SUCLG2: variants seen among roughly 807,000 people sequenced by gnomAD.
The protein encoded by SUCLG2 is succinate--CoA ligase [GDP-forming] subunit beta, mitochondrial.
Under a neutral mutation model 47.9 loss-of-function variants are expected in SUCLG2, and 42 were observed. That is an observed-to-expected ratio of 0.88 (90% CI 0.69 to 1.14). SUCLG2 has a LOEUF of 1.14. SUCLG2 is among the 50% of genes most tolerant of loss of function. The pLI is 0.00. For missense variants in SUCLG2, 571 were observed against 525.9 expected (o/e 1.09, Z -0.84); for synonymous variants, 195 against 197.3 (o/e 0.99, Z 0.10).
At chr3:67,594,514 A>C (rs1414944422) in intron 2 of SUCLG2, among the ~76,000 whole-genome samples, 2 of 152,194 alleles carry the variant, frequency 1.3e-5, no homozygotes, top group Non-Finnish European at 2.9e-5. Flanking sequence ...GGTCAGCTTA[A>C]AAATCACCTC....
chr3:67,625,622 C>A (rs1700812167), intron 1 of SUCLG2, among the ~76,000 whole-genome samples: 1 of 152,178 alleles, frequency 6.6e-6, no homozygotes, highest in Non-Finnish European at 1.5e-5. Flanking sequence ...GAAGCTCCTG[C>A]TGCCTCTGAA....
chr3:67,626,980 A>G lies in SUCLG2; in HGVS notation c.85-17384T>C, dbSNP rs183570500. ...ACGTGAGAGGACAGTATATGTATCA[A>G]AAAATTTTCAACTAGAAGTTTGAAA... On this transcript the variant is annotated intron_variant, in intron 1 of 10. Coordinates refer to ENST00000307227, the MANE Select transcript of SUCLG2 (RefSeq NM_003848.4). Among the ~76,000 whole-genome samples the G allele has an allele frequency of 3.0e-3, 462 of 152,114 alleles. 1 individual carries two copies. Among genetic ancestry groups the G allele is most frequent in the Admixed American group, 6.9e-3 (106 of 15,254 alleles).
In SUCLG2 at chr3:67,498,256, GC is replaced by G. The variant is rs1197004917; in HGVS notation, c.796del (p.Ala266GlnfsTer29). 2 of 1,613,616 alleles carry G rather than the reference GC, an allele frequency of 1.2e-6. No individual in the cohort carries two copies. The highest frequency in any genetic ancestry group is 2.7e-5 in the African/African-American group (2 of 74,862). ...FDAKINFDDN[A>X]EFRQKDIFAM... ...AAATATGTCTTTTTGTCGGAATTCTGCGTTGTCATCAAAGTTTATCTTGGCA... is the reference window on the plus strand; with the variant it reads ...AAATATGTCTTTTTGTCGGAATTCTGGTTGTCATCAAAGTTTATCTTGGCA... On this transcript the variant is annotated frameshift_variant, in exon 8 of 11. Transcript: ENST00000307227. LOFTEE classifies it high-confidence loss of function.
At chr3:67,570,331 T>C (rs769774447) in intron 2 of SUCLG2, among the ~76,000 whole-genome samples, 3 of 152,234 alleles carry the variant, frequency 2.0e-5, no homozygotes, top group Non-Finnish European at 4.4e-5. Flanking sequence ...TGTGGCAACG[T>C]ACCACACTAC....
At chr3:67,604,079 C>T (rs1478383456) in intron 2 of SUCLG2, among the ~76,000 whole-genome samples, 1 of 152,214 alleles carries the variant, frequency 6.6e-6, no homozygotes, top group Non-Finnish European at 1.5e-5. Flanking sequence ...TTTGCTCTCT[C>T]AGACATAAAT....
chr3:67,442,607 C>A (rs1703796966), intron 9 of SUCLG2, among the ~76,000 whole-genome samples: 1 of 152,142 alleles, frequency 6.6e-6, no homozygotes, highest in African/African-American at 2.4e-5. Flanking sequence ...TCAGATATGA[C>A]CAAAGACTTT....
Position 67,395,151 on chromosome 3 carries a change from G to A in SUCLG2, c.1183+5580C>T, listed in dbSNP as rs1450208666. 2.0e-5 allele frequency among the ~76,000 whole-genome samples: 3 copies of A among 151,436 alleles called. No homozygotes were observed. The South Asian group carries it at 6.3e-4, about 32-fold the overall frequency. ...ATAACCAGCTAACATCATAATGACA[G>A]GATCAAATTCACACATAACAATATT... On this transcript the variant is annotated intron_variant, in intron 10 of 10. Coordinates refer to ENST00000307227, the MANE Select transcript of SUCLG2 (RefSeq NM_003848.4).
intron 2 of SUCLG2, among the ~76,000 whole-genome samples, chr3:67,572,328 G>C (rs1317401231): frequency 5.3e-5 from 8 of 152,096 alleles, no homozygotes; most frequent in Admixed American, 3.3e-4. Flanking sequence ...TTGGATAAAT[G>C]TAAGAAAAGA....
At chr3:67,639,877 T>A (rs539102997) in intron 1 of SUCLG2, among the ~76,000 whole-genome samples, 2 of 152,186 alleles carry the variant, frequency 1.3e-5, no homozygotes, top group Admixed American at 6.5e-5. Flanking sequence ...GGTCCAAGGT[T>A]CCCCAAACAA....
chr3:67,597,596 T>A (rs1291675901), intron 2 of SUCLG2, among the ~76,000 whole-genome samples: 1 of 152,160 alleles, frequency 6.6e-6, no homozygotes, highest in African/African-American at 2.4e-5. Context: ...TTTCTTCTCT[T>A]GTTCATCCTT....
chr3:67,518,358 A>C, intron 5 of SUCLG2, 22 bp from the exon 6 acceptor site: 4 of 1,595,468 alleles, frequency 2.5e-6, no homozygotes, highest in Non-Finnish European at 2.6e-6. Context: ...AAATCAAATA[A>C]ACAAAATTCA....
At chr3:67,458,761 G>C (rs1372780481) in intron 9 of SUCLG2, among the ~76,000 whole-genome samples, 4 of 152,184 alleles carry the variant, frequency 2.6e-5, no homozygotes, top group African/African-American at 9.7e-5. Flanking sequence ...ACGGCTGAAT[G>C]CATATTAAAA....
intron 2 of SUCLG2, among the ~76,000 whole-genome samples, chr3:67,592,409 T>C (rs1400788558): frequency 6.6e-6 from 1 of 152,210 alleles, no homozygotes; most frequent in Non-Finnish European, 1.5e-5. Flanking sequence ...ATCTTATTGA[T>C]AAGACCTTAT....
intron 7 of SUCLG2, among the ~76,000 whole-genome samples, chr3:67,505,943 C>A (rs1705625515): frequency 6.6e-6 from 1 of 151,866 alleles, no homozygotes; most frequent in Non-Finnish European, 1.5e-5. Flanking sequence ...GCCTTGGCGA[C>A]AGAGTGAGAC....
chr3:67,532,699 A>G (rs542668774), intron 2 of SUCLG2, among the ~76,000 whole-genome samples: 2 of 152,342 alleles, frequency 1.3e-5, no homozygotes, highest in African/African-American at 4.8e-5. Flanking sequence ...ACTGTAAGAC[A>G]TATCTGACAA....
intron 10 of SUCLG2, among the ~76,000 whole-genome samples, chr3:67,397,773 T>G (rs1033423645): frequency 4.6e-5 from 7 of 152,110 alleles, no homozygotes; most frequent in African/African-American, 1.7e-4. Flanking sequence ...GAAACTATAC[T>G]ACAAGGCTAC....
chr3:67,484,862 C>T (rs1705011380), intron 9 of SUCLG2, among the ~76,000 whole-genome samples: 1 of 152,084 alleles, frequency 6.6e-6, no homozygotes, highest in African/African-American at 2.4e-5. Context: ...TTTACAAAGA[C>T]AGAAAGTTTG....
At chr3:67,621,592 T>G (rs1409115215) in intron 1 of SUCLG2, among the ~76,000 whole-genome samples, 3 of 152,138 alleles carry the variant, frequency 2.0e-5, no homozygotes, top group African/African-American at 7.2e-5. Context: ...CCCTCATGAA[T>G]GGACCAATCC....
chr3:67,612,085 G>A (rs1238318804), intron 1 of SUCLG2, among the ~76,000 whole-genome samples: 11 of 152,320 alleles, frequency 7.2e-5, no homozygotes, highest in East Asian at 1.9e-4. Flanking sequence ...GTGGGCAGGC[G>A]CAGTGGTTCA....
Sources: gnomAD v4.1 joint callset for allele counts (sites outside exome capture counted in the v4.1 genomes callset) on GRCh38, gnomAD v4.1.1 for gene constraint, MANE v1.5 for transcripts, NCBI Gene and HGNC (gene_info 2026-07-23, HGNC 2026-07-21) for gene names.